Variants in PPFIA2 observed in about 807,000 individuals in gnomAD.
PPFIA2 encodes the protein PPFI scaffold protein A2, also known as liprin-alpha-2.
In PPFIA2, 46 loss-of-function variants were observed where a neutral mutation model predicts 175.5. The observed-to-expected ratio is 0.26, with a 90% CI of 0.21 to 0.34. PPFIA2 has a LOEUF of 0.34. Ranked by LOEUF, PPFIA2 falls within the 10% of genes least tolerant of loss-of-function variation. The pLI, the probability that PPFIA2 is intolerant of heterozygous loss-of-function variation, is 1.00. For synonymous variants in PPFIA2, 568 were observed against 511.4 expected (o/e 1.11, Z -1.49); for missense variants, 1,179 against 1,506.1 (o/e 0.78, Z 3.60).
rs1218067492 is a variant in PPFIA2, at chr12:81,580,284, C to A, written c.303+96507G>T. Among the ~76,000 whole-genome samples, 11 of 151,824 alleles carry A rather than the reference C, an allele frequency of 7.2e-5. No homozygotes were observed. The South Asian group carries it at 1.9e-3, about 26-fold the overall frequency. The stretch of plus-strand genomic sequence containing the variant: ...TGGTATTCCTATCTGCCCCATTTTA[C>A]AGATGTAAAAAGTGAAGTTAGAAAG... On this transcript the variant is annotated intron_variant, in intron 4 of 32. Coordinates refer to ENST00000549396, the MANE Select transcript of PPFIA2 (RefSeq NM_003625.5).
At chr12:81,716,551 AACACACACACACAC>A (rs35938564) in intron 3 of PPFIA2, among the ~76,000 whole-genome samples, 1 of 147,828 alleles carries the variant, frequency 6.8e-6, no homozygotes, top group African/African-American at 2.5e-5. Flanking sequence ...GGAAAGTACC[AACACACACACACAC>A]ACACACACAC....
At chr12:81,418,960 G>GA (rs1001387124) in intron 7 of PPFIA2, among the ~76,000 whole-genome samples, 33 of 151,280 alleles carry the variant, frequency 2.2e-4, no homozygotes, top group Non-Finnish European at 2.4e-4. Flanking sequence ...AGAGAACACA[G>GA]AAAAAAAACA....
intron 27 of PPFIA2, among the ~76,000 whole-genome samples, chr12:81,280,612 C>A (rs1311149400): frequency 6.6e-6 from 1 of 151,998 alleles, no homozygotes; most frequent in Non-Finnish European, 1.5e-5. Context: ...CTTCACCTAA[C>A]ATAAACATAG....
At chr12:81,410,757 T>G (rs1164377069) in intron 7 of PPFIA2, among the ~76,000 whole-genome samples, 2 of 151,928 alleles carry the variant, frequency 1.3e-5, no homozygotes, top group Admixed American at 1.3e-4. Flanking sequence ...GCCAGGGAAA[T>G]CAGAATATTA....
chr12:81,518,032 A>G (rs567240811), intron 4 of PPFIA2, among the ~76,000 whole-genome samples: 1 of 152,254 alleles, frequency 6.6e-6, no homozygotes, highest in East Asian at 1.9e-4. Flanking sequence ...TGGCACATGT[A>G]TACATATGCA....
chr12:81,594,849 G>T (rs1271726664), intron 4 of PPFIA2, among the ~76,000 whole-genome samples: 1 of 152,108 alleles, frequency 6.6e-6, no homozygotes, highest in Non-Finnish European at 1.5e-5. Context: ...GGAGGCTGAG[G>T]CTGCAGTGAG....
intron 4 of PPFIA2, among the ~76,000 whole-genome samples, chr12:81,527,362 G>T (rs1403057): frequency 0.56 from 84,358 of 151,432 alleles, 24,044 homozygotes; most frequent in African/African-American, 0.67. Flanking sequence ...ACACCCCGGG[G>T]AGCTCCATTT....
At chr12:81,300,170 C>A (rs1236015584) in intron 22 of PPFIA2, among the ~76,000 whole-genome samples, 3 of 152,104 alleles carry the variant, frequency 2.0e-5, no homozygotes, top group Non-Finnish European at 4.4e-5. Context: ...ACTTACAAAG[C>A]CAATTTGAGA....
chr12:81,634,450 C>A (rs1476643435), intron 4 of PPFIA2, among the ~76,000 whole-genome samples: 1 of 151,998 alleles, frequency 6.6e-6, no homozygotes, highest in Non-Finnish European at 1.5e-5. Flanking sequence ...ACTGATGAAG[C>A]ATCCCAATCC....
chr12:81,426,997 T>G (rs1276919761), intron 7 of PPFIA2, among the ~76,000 whole-genome samples: 1 of 152,164 alleles, frequency 6.6e-6, no homozygotes, highest in Non-Finnish European at 1.5e-5. Flanking sequence ...TTAAATTTTA[T>G]CAAAGTATTT....
At chr12:81,728,825 C>T (rs1187134645) in intron 3 of PPFIA2, among the ~76,000 whole-genome samples, 2 of 151,308 alleles carry the variant, frequency 1.3e-5, no homozygotes, top group Admixed American at 6.6e-5. Flanking sequence ...TATTTCAAAA[C>T]ATTCTGACCT....
intron 3 of PPFIA2, among the ~76,000 whole-genome samples, chr12:81,710,196 T>G (rs2153613709): frequency 6.6e-6 from 1 of 152,048 alleles, no homozygotes; most frequent in South Asian, 2.1e-4. Context: ...GGCATATATC[T>G]TTAGTTGCTT....
rs57008726 is a variant in PPFIA2 at position 81,587,082 on chromosome 12, C to T, written c.303+89709G>A. Among the ~76,000 whole-genome samples, 675 of 152,032 alleles carry T rather than the reference C, an allele frequency of 4.4e-3. 9 individuals carry two copies. Among genetic ancestry groups the T allele is most frequent in the African/African-American group, 0.015 (630 of 41,504 alleles). On this transcript the variant is annotated intron_variant, in intron 4 of 32. Coordinates refer to ENST00000549396, the MANE Select transcript of PPFIA2 (RefSeq NM_003625.5). ...ATAATTTCACTTGCTTATAGTCACA[C>T]TCTAGCAAACTGTAGAACCTGTTTT...
intron 4 of PPFIA2, chr12:81,598,258 G>A: frequency 1.5e-6 from 2 of 1,307,774 alleles, no homozygotes; most frequent in East Asian, 3.1e-5. Context: ...TAGTTCTCTA[G>A]AACATACAAT....
intron 7 of PPFIA2, among the ~76,000 whole-genome samples, chr12:81,418,780 G>A (rs576059473): frequency 3.3e-5 from 5 of 151,932 alleles, no homozygotes; most frequent in Admixed American, 2.0e-4. Flanking sequence ...AGGTTTATAC[G>A]TTGTTTCTAA....
intron 4 of PPFIA2, among the ~76,000 whole-genome samples, chr12:81,522,607 A>T (rs1196065632): frequency 2.0e-5 from 3 of 152,184 alleles, no homozygotes; most frequent in Non-Finnish European, 4.4e-5. Flanking sequence ...ACTGCTGCAA[A>T]TATATCTTTA....
At chr12:81,484,834 C>G (rs1408651135) in intron 4 of PPFIA2, among the ~76,000 whole-genome samples, 1 of 151,804 alleles carries the variant, frequency 6.6e-6, no homozygotes, top group Non-Finnish European at 1.5e-5. Context: ...TTTCATATAA[C>G]TAATTTTGGA....
At chr12:81,388,366 A>G (rs2039420841) in intron 8 of PPFIA2, among the ~76,000 whole-genome samples, 1 of 152,152 alleles carries the variant, frequency 6.6e-6, no homozygotes, top group African/African-American at 2.4e-5. Flanking sequence ...CAAAAACATT[A>G]AGCTGAGAAA....
At chr12:81,547,356 GACTA>G (rs774690811) in intron 4 of PPFIA2, among the ~76,000 whole-genome samples, 111 of 151,924 alleles carry the variant, frequency 7.3e-4, no homozygotes, top group Non-Finnish European at 1.3e-3. Context: ...TTAACTTATT[GACTA>G]ACTTTTTTTT....
Sources: gnomAD v4.1 joint callset for allele counts (sites outside exome capture counted in the v4.1 genomes callset) on GRCh38, gnomAD v4.1.1 for gene constraint, MANE v1.5 for transcripts, NCBI Gene and HGNC (gene_info 2026-07-23, HGNC 2026-07-21) for gene names.